DMPK: variants seen among roughly 807,000 people sequenced by gnomAD.
DMPK encodes DM1 protein kinase.
In DMPK, 32 loss-of-function variants were observed where a neutral mutation model predicts 70.3. That is an observed-to-expected ratio of 0.46 (90% CI 0.34 to 0.61). The LOEUF is 0.61. DMPK is among the 20% of genes least tolerant of loss of function. The probability of loss-of-function intolerance (pLI) is 0.01; values close to 1 mark genes in which losing one functional copy is unlikely to be tolerated. For missense variants in DMPK, 899 were observed against 886.0 expected (o/e 1.01, Z -0.19); for synonymous variants, 469 against 390.9 (o/e 1.20, Z -2.36).
intron 9 of DMPK, among the ~76,000 whole-genome samples, chr19:45,774,333 G>A (rs1302563726): frequency 6.7e-6 from 1 of 149,754 alleles, no homozygotes; most frequent in Non-Finnish European, 1.5e-5. Context: ...CATGATCTCG[G>A]CTCACTGCAA....
At chr19:45,773,532 A>G (rs143811850) in intron 9 of DMPK, among the ~76,000 whole-genome samples, 74 of 152,342 alleles carry the variant, frequency 4.9e-4, no homozygotes, top group Non-Finnish European at 8.7e-4. Context: ...CTATTTAAAC[A>G]TGTGTCAGTA....
chr19:45,775,133 C>T, intron 8 of DMPK, 99 bp from the exon 9 acceptor site: 1 of 880,592 alleles, frequency 1.1e-6, no homozygotes, highest in Non-Finnish European at 1.8e-6. Flanking sequence ...AGCCCCAACT[C>T]AGGGCTTATC....
At chr19:45,772,103 C>G (rs1293167407) in intron 10 of DMPK, among the ~76,000 whole-genome samples, 175 bp from the exon 11 acceptor site, 1 of 152,160 alleles carries the variant, frequency 6.6e-6, no homozygotes, top group Non-Finnish European at 1.5e-5. Flanking sequence ...CTACCTCCCT[C>G]AGCCCCATCC....
At chr19:45,779,725 C>T in intron 2 of DMPK, 53 bp downstream of exon 2, 1 of 1,537,202 alleles carries the variant, frequency 6.5e-7, no homozygotes, top group South Asian at 1.3e-5. Flanking sequence ...CGCCCCAACC[C>T]CTATGCCCCG....
In DMPK at chr19:45,772,617, A is replaced by AC. The variant is rs548184612; in HGVS notation, c.1344+23dup. 5.5e-5 allele frequency: 81 copies of AC among 1,484,124 alleles called. No individual in the cohort carries two copies. The East Asian group carries it at 1.2e-3, about 22-fold the overall frequency. The allele number at this position is 1,484,124 out of a possible 1,614,324, so 91.9% of individuals were successfully genotyped here. On this transcript the variant is annotated intron_variant, in intron 10 of 14. Coordinates refer to ENST00000291270, the MANE Select transcript of DMPK (RefSeq NM_004409.5). ...TTTCTCTCCCAATTGTCCCTGACGG[A>AC]CCCCCTCCCCTCCACCAACTTACTG... is the stretch of plus-strand genomic sequence containing the variant.
chr19:45,778,667 T>C lies in DMPK; in HGVS notation c.433-26A>G, dbSNP rs181830960. 46 of 1,609,500 alleles carry C rather than the reference T, an allele frequency of 2.9e-5. No homozygotes were observed. In the East Asian group the frequency reaches 3.6e-4, roughly 13 times the overall value. ...CTGAGAAGGGGTTCGTCATGGGTGG[T>C]TGGTAGTCCCCTGAGGCCCTGATCC... On this transcript the variant is annotated intron_variant, in intron 4 of 14. Coordinates refer to ENST00000291270, the MANE Select transcript of DMPK (RefSeq NM_004409.5).
At chr19:45,778,838 CACAA>C (rs2146254405) in intron 4 of DMPK, 197 bp from the exon 5 acceptor site, 5 of 403,380 alleles carry the variant, frequency 1.2e-5, no homozygotes, top group South Asian at 3.8e-5. Context: ...CAAAAAAAAA[CACAA>C]ACAAAAAAAC....
chr19:45,771,315 G>C (rs1175246936), intron 13 of DMPK, 35 bp downstream of exon 13: 9 of 1,568,400 alleles, frequency 5.7e-6, no homozygotes, highest in Non-Finnish European at 6.9e-6. Flanking sequence ...AGAATGGGCA[G>C]CAGGTCTGAG....
chr19:45,782,305 G>A lies in DMPK; in HGVS notation c.48C>T (p.Asp16=), dbSNP rs978751721. The change falls in exon 1 of 15, where the codon GAC becomes GAT. Residue 16 remains aspartate (D), a synonymous_variant. Coordinates refer to ENST00000291270, the MANE Select transcript of DMPK (RefSeq NM_004409.5). The part of the protein sequence containing the change: ...RLRRLQQLVL[D]PGFLGLEPLL... ...GGGGCTCCAGCCCCAGGAAGCCCGGGTCCAACACCAGCTGCTGGAGCCGCC... is the reference window on the plus strand; with the variant it reads ...GGGGCTCCAGCCCCAGGAAGCCCGGATCCAACACCAGCTGCTGGAGCCGCC... The A allele has an allele frequency of 9.4e-6, 15 of 1,592,724 alleles. No homozygotes were observed. The Admixed American group carries it at 1.4e-4, about 15-fold the overall frequency.
chr19:45,774,730 C>T (rs1226745771), intron 9 of DMPK, among the ~76,000 whole-genome samples: 1 of 152,054 alleles, frequency 6.6e-6, no homozygotes, highest in Admixed American at 6.5e-5. Context: ...TCTGGGAAGC[C>T]CAGTCTGTGA....
At chr19:45,781,932 C>A (rs931051779) in intron 1 of DMPK, among the ~76,000 whole-genome samples, 1 of 152,178 alleles carries the variant, frequency 6.6e-6, no homozygotes, top group Non-Finnish European at 1.5e-5. Flanking sequence ...GGCAGCCTAG[C>A]CTGCTGTGAC....
intron 9 of DMPK, among the ~76,000 whole-genome samples, chr19:45,773,723 C>A (rs1969610893): frequency 6.6e-6 from 1 of 152,152 alleles, no homozygotes; most frequent in African/African-American, 2.4e-5. Context: ...CTCACTGAAG[C>A]CTCAAACTCC....
At position 45,771,779 on chromosome 19, in the gene DMPK, G is replaced by T. The variant is rs374095905; in HGVS notation, c.1494C>A (p.Asn498Lys). 1.9e-6 allele frequency: 3 copies of T among 1,573,548 alleles called. No homozygotes were observed. The highest frequency in any genetic ancestry group is 2.6e-6 in the Non-Finnish European group (3 of 1,159,156). ...CCGGCCCCGATCCCGACCTGGCGAA[G>T]TTCTGGTTGTCCGTGCGGATGGCCT... The part of the protein sequence containing the change: ...EMEAIRTDNQ[N>K]FASQLREAEA... Residue 498 changes from asparagine (N) to lysine (K), a missense_variant, in exon 11 of 15, where the codon AAC (asparagine) becomes AAA (lysine). Physicochemically the swap from Asn to Lys is moderately conservative, Grantham distance 94. Around this residue, in one of 3 missense-constraint regions of DMPK, gnomAD observed 555 missense variants for 483.8 expected, o/e 1.15. Coordinates refer to ENST00000291270, the MANE Select transcript of DMPK (RefSeq NM_004409.5).
chr19:45,775,033 T>G lies in DMPK; in HGVS notation c.1148A>C (p.Glu383Ala). The change falls in exon 9 of 15, where the codon GAG becomes GCG. Residue 383 changes from glutamate (E) to alanine (A), a missense_variant and splice_region_variant. Around this residue, in one of 3 missense-constraint regions of DMPK, gnomAD observed 555 missense variants for 483.8 expected, o/e 1.15. Transcript: ENST00000291270. ...GLTAMVSGGG[E>A]TLSDIREGAP... ...ACCTTCCCGAATGTCCGACAGTGTC[T>G]CCTGCGCAAGACACACAGATGTGAG... 6.2e-7 allele frequency: 1 copy of G among 1,613,380 alleles called. No homozygotes were observed. The highest frequency in any genetic ancestry group is 8.5e-7 in the Non-Finnish European group (1 of 1,179,722).
intron 1 of DMPK, chr19:45,780,471 C>T: frequency 8.2e-7 from 1 of 1,219,412 alleles, no homozygotes; most frequent in Non-Finnish European, 1.0e-6. Flanking sequence ...TCTCAGTCCT[C>T]CAGGAGGAGT....
intron 4 of DMPK, 32 bp downstream of exon 4, chr19:45,779,232 C>T (rs773246625): frequency 4.9e-5 from 78 of 1,605,652 alleles, no homozygotes; most frequent in Non-Finnish European, 6.7e-5. Context: ...GGCTCTTGTC[C>T]CTCTTCCTAG....
chr19:45,781,794 G>A (rs894852363), intron 1 of DMPK, among the ~76,000 whole-genome samples: 1 of 152,174 alleles, frequency 6.6e-6, no homozygotes, highest in Non-Finnish European at 1.5e-5. Flanking sequence ...CTTGCCCCAG[G>A]CCACAGGAAA....
At chr19:45,780,391 G>A in intron 1 of DMPK, 1 of 1,448,602 alleles carries the variant, frequency 6.9e-7, no homozygotes, top group East Asian at 3.2e-5. Context: ...GCTGGGGGAA[G>A]GAACAGGACA....
rs1969284585 is a variant in DMPK, at chr19:45,770,232, CA to C, written c.*255del. 3 of 406,286 alleles carry C rather than the reference CA, an allele frequency of 7.4e-6. No homozygotes were observed. The highest frequency in any genetic ancestry group is 1.1e-5 in the Non-Finnish European group (3 of 266,182). The allele number at this position is 406,286 out of a possible 1,614,324, so 25.2% of individuals were successfully genotyped here. A position where few individuals can be genotyped will look rare whatever the true frequency, so the allele number is the denominator to read the frequency against. Reference sequence around the variant, plus strand: ...GCAGCAGCAGCAGCAGCAGCAGCAGCAGCAGCAGCAGCAGCAGCAGCAGCAG... The same window carrying C: ...GCAGCAGCAGCAGCAGCAGCAGCAGCGCAGCAGCAGCAGCAGCAGCAGCAG... On this transcript the variant is annotated 3_prime_UTR_variant, in exon 15 of 15. Coordinates refer to ENST00000291270, the MANE Select transcript of DMPK (RefSeq NM_004409.5).
Sources: gnomAD v4.1 joint callset for allele counts (sites outside exome capture counted in the v4.1 genomes callset) on GRCh38, gnomAD v4.1.1 for gene constraint, gnomAD v4.1.1 regional missense constraint, MANE v1.5 for transcripts, NCBI Gene and HGNC (gene_info 2026-07-23, HGNC 2026-07-21) for gene names.